Variants in BCL2L12 observed in about 807,000 individuals in gnomAD.
BCL2L12 encodes bcl-2-like protein 12.
BCL2L12 carries 27 observed loss-of-function variants against 25.7 expected under a neutral mutation model. The observed-to-expected ratio is 1.05, with a 90% CI of 0.78 to 1.45. BCL2L12 has a LOEUF of 1.45. BCL2L12 is among the 40% of genes most tolerant of loss of function. The probability of loss-of-function intolerance (pLI) is 0.00; values close to 1 mark genes in which losing one functional copy is unlikely to be tolerated. For missense variants in BCL2L12, 302 were observed against 329.8 expected (o/e 0.92, Z 0.65); for synonymous variants, 132 against 145.6 (o/e 0.91, Z 0.67).
chr19:49,666,130 G>T lies in BCL2L12; in HGVS notation c.-9+63G>T, dbSNP rs2081742678. The T allele has an allele frequency of 1.0e-5, 15 of 1,504,976 alleles. No individual in the cohort carries two copies. The South Asian group carries it at 1.3e-4, about 13-fold the overall frequency. 93.2% of individuals were successfully genotyped at this position (1,504,976 alleles called of 1,614,324 possible). On this transcript the variant is annotated intron_variant, in intron 1 of 6. Transcript: ENST00000246784. The stretch of plus-strand genomic sequence containing the variant: ...AAGAGGAGGGGGCCGGGATCCAGTG[G>T]TGGGCACCCCAGTCCCGCTTCTCTG...
chr19:49,668,155 G>T (rs551970297), intron 3 of BCL2L12, among the ~76,000 whole-genome samples: 109 of 150,376 alleles, frequency 7.2e-4, no homozygotes, highest in Non-Finnish European at 1.2e-3. Context: ...GAGTGCAATG[G>T]CCCGATCTCG....
Position 49,665,993 on chromosome 19 carries a change from T to G in BCL2L12, c.-83T>G. On this transcript the variant is annotated 5_prime_UTR_variant, in exon 1 of 7. Coordinates refer to ENST00000246784, the MANE Select transcript of BCL2L12 (RefSeq NM_138639.2). ...GTGCGCAGGCGCGGGAAAGTTGAAC[T>G]AATAAAGTTTGTACGAGTTCAGTGG... 6.2e-7 allele frequency: 1 copy of G among 1,605,794 alleles called. No homozygotes were observed. Among genetic ancestry groups the G allele is most frequent in the Non-Finnish European group, 8.5e-7 (1 of 1,175,612 alleles).
At position 49,666,011 on chromosome 19, in the gene BCL2L12, T is replaced by C; in HGVS notation, c.-65T>C. The C allele has an allele frequency of 6.3e-7, 1 of 1,590,186 alleles. No homozygotes were observed. Among genetic ancestry groups the C allele is most frequent in the Non-Finnish European group, 8.6e-7 (1 of 1,166,896 alleles). ...GTTGAACTAATAAAGTTTGTACGAG[T>C]TCAGTGGAGGAGACCGCAAGTTGAG... On this transcript the variant is annotated 5_prime_UTR_variant, in exon 1 of 7. Coordinates refer to ENST00000246784, the MANE Select transcript of BCL2L12 (RefSeq NM_138639.2).
At chr19:49,668,972 G>A in intron 4 of BCL2L12, 35 bp downstream of exon 4, 1 of 1,613,968 alleles carries the variant, frequency 6.2e-7, no homozygotes, top group Non-Finnish European at 8.5e-7. Flanking sequence ...AAGGATGGCG[G>A]TGGGAGGATA....
Position 49,668,786 on chromosome 19 carries a change from G to A in BCL2L12, c.251-65G>A, listed in dbSNP as rs189623186. Reference sequence around the variant, plus strand: ...CATTGCCACCTGCCAAGGTAGTTGGGGGAAGGAGAGAATCCGTAAGTTTCC... The same window carrying A: ...CATTGCCACCTGCCAAGGTAGTTGGAGGAAGGAGAGAATCCGTAAGTTTCC... On this transcript the variant is annotated intron_variant, in intron 3 of 6. Coordinates refer to ENST00000246784, the MANE Select transcript of BCL2L12 (RefSeq NM_138639.2). 6.8e-6 allele frequency: 10 copies of A among 1,461,376 alleles called. No homozygotes were observed. The East Asian group carries it at 2.1e-4, about 30-fold the overall frequency. The allele number at this position is 1,461,376 out of a possible 1,614,324, so 90.5% of individuals were successfully genotyped here. A position where few individuals can be genotyped will look rare whatever the true frequency, so the allele number is the denominator to read the frequency against.
Position 49,673,749 on chromosome 19 carries a change from G to C in BCL2L12, c.*1G>C, listed in dbSNP as rs1555766574. 3.1e-6 allele frequency: 5 copies of C among 1,614,146 alleles called. No individual in the cohort carries two copies. In the South Asian group the frequency reaches 5.5e-5, roughly 18 times the overall value. The stretch of plus-strand genomic sequence containing the variant: ...GGACTTGAACTTGCCATTGGACTGA[G>C]CTCTTTCTCAGAAGCTGCTACAAGA... On this transcript the variant is annotated 3_prime_UTR_variant, in exon 7 of 7. Coordinates refer to ENST00000246784, the MANE Select transcript of BCL2L12 (RefSeq NM_138639.2).
rs2081962568 is a variant in BCL2L12, at chr19:49,671,553, A to C, written c.702+1065A>C. On this transcript the variant is annotated intron_variant, in intron 6 of 6. Coordinates refer to ENST00000246784, the MANE Select transcript of BCL2L12 (RefSeq NM_138639.2). ...AGGAGGCAGAGGAGCCGGGAGGATC[A>C]CTTGAGCCCAGGAGTTCAAGGCTGT... 3.3e-5 allele frequency among the ~76,000 whole-genome samples: 5 copies of C among 152,162 alleles called. No homozygotes were observed. The South Asian group carries it at 1.0e-3, about 32-fold the overall frequency.
Position 49,669,112 on chromosome 19 carries a change from G to A in BCL2L12, c.426G>A (p.Gln142=). The A allele has an allele frequency of 6.2e-7, 1 of 1,613,830 alleles. No individual in the cohort carries two copies. Among genetic ancestry groups the A allele is most frequent in the Non-Finnish European group, 8.5e-7 (1 of 1,179,908 alleles). Residue 142 remains glutamine (Q), a synonymous_variant, in exon 5 of 7, where the codon CAG becomes CAA. Coordinates refer to ENST00000246784, the MANE Select transcript of BCL2L12 (RefSeq NM_138639.2). ...LLEEEAEVIN[Q]KLASDPALRS... is the part of the protein sequence containing the mutation. ...AGGAGGAGGCAGAAGTCATTAACCA[G>A]AAGGTGATGGGCATCTGTCCCACTC...
intron 1 of BCL2L12, 32 bp downstream of exon 1, chr19:49,666,099 G>T: frequency 6.5e-7 from 1 of 1,526,978 alleles, no homozygotes; most frequent in Non-Finnish European, 8.8e-7. Context: ...GGTGGGGTGA[G>T]GAGGGAAGAG....
chr19:49,669,227 TG>T, intron 5 of BCL2L12, 112 bp downstream of exon 5: 1 of 1,503,336 alleles, frequency 6.7e-7, no homozygotes, highest in Admixed American at 2.1e-5. Context: ...GGAAAGAGGC[TG>T]GGACAAGGTT....
intron 4 of BCL2L12, 43 bp downstream of exon 4, chr19:49,668,980 A>G (rs1162673379): frequency 6.2e-7 from 1 of 1,613,824 alleles, no homozygotes; most frequent in Non-Finnish European, 8.5e-7. Context: ...CGGTGGGAGG[A>G]TAGTCAGGGT....
chr19:49,670,248 G>A lies in BCL2L12; in HGVS notation c.462G>A (p.Leu154=). ...CGGACCCCGCCCTGCGCAGCAAGCT[G>A]GTCCGCCTGTCCTCCGACTCTTTCG... ...LASDPALRSK[L]VRLSSDSFAR... The change falls in exon 6 of 7, where the codon CTG becomes CTA. Residue 154 remains leucine (L), a synonymous_variant. Coordinates refer to ENST00000246784, the MANE Select transcript of BCL2L12 (RefSeq NM_138639.2). The A allele has an allele frequency of 6.2e-7, 1 of 1,609,276 alleles. No homozygotes were observed. The highest frequency in any genetic ancestry group is 8.5e-7 in the Non-Finnish European group (1 of 1,179,626).
Position 49,669,038 on chromosome 19 carries a change from C to T in BCL2L12, c.352C>T (p.Pro118Ser), listed in dbSNP as rs763991959. Residue 118 changes from proline (P) to serine (S), a missense_variant, in exon 5 of 7, where the codon CCA becomes TCA. By Grantham distance (74) the Pro-to-Ser change is moderately conservative. Transcript: ENST00000246784. ...TCTGCCTCCAGAATTACAGGGTCCC[C>T]CATCGACAGAGAAGGAAGCCATACT... is the stretch of plus-strand genomic sequence containing the variant. The part of the protein sequence containing the change: ...SPPSPELQGP[P>S]STEKEAILRR... The T allele has an allele frequency of 3.7e-6, 6 of 1,613,930 alleles. No individual in the cohort carries two copies. In the African/African-American group the frequency reaches 8.0e-5, roughly 22 times the overall value.
intron 3 of BCL2L12, 94 bp from the exon 4 acceptor site, chr19:49,668,757 G>T (rs746170987): frequency 8.4e-7 from 1 of 1,184,296 alleles, no homozygotes; most frequent in Admixed American, 2.2e-5. Context: ...AATAAAATGG[G>T]AATCATTGCC....
At chr19:49,666,292 C>A (rs977527600) in intron 1 of BCL2L12, among the ~76,000 whole-genome samples, 2 of 152,210 alleles carry the variant, frequency 1.3e-5, no homozygotes, top group African/African-American at 4.8e-5. Context: ...TTGGTAGTTC[C>A]CGATGCTTTA....
chr19:49,673,096 C>T (rs1028265166), intron 6 of BCL2L12, among the ~76,000 whole-genome samples: 2 of 152,122 alleles, frequency 1.3e-5, no homozygotes, highest in Admixed American at 6.6e-5. Context: ...GAACTCTTGG[C>T]CTCAAGTGAT....
At chr19:49,666,636 A>G (rs1265513774) in intron 1 of BCL2L12, 49 bp from the exon 2 acceptor site, 1 of 1,426,642 alleles carries the variant, frequency 7.0e-7, no homozygotes, top group African/African-American at 1.4e-5. Flanking sequence ...CCAAGCCTCC[A>G]CTTCTTGCTA....
rs1464928951 is a variant in BCL2L12 at position 49,669,060 on chromosome 19, T to C, written c.374T>C (p.Ile125Thr). 1 of 1,614,132 alleles carries C rather than the reference T, an allele frequency of 6.2e-7. No individual in the cohort carries two copies. The highest frequency in any genetic ancestry group is 8.5e-7 in the Non-Finnish European group (1 of 1,180,008). Residue 125 changes from isoleucine (I) to threonine (T), a missense_variant, in exon 5 of 7, where the codon ATA (isoleucine) becomes ACA (threonine). By Grantham distance (89) the Ile-to-Thr change is moderately conservative. Transcript: ENST00000246784. ...QGPPSTEKEAILRRLVALLEE... is the reference protein window; with the variant it reads ...QGPPSTEKEATLRRLVALLEE... ...CCCCCATCGACAGAGAAGGAAGCCA[T>C]ACTGCGGAGGCTGGTGGCCCTGCTG... is the stretch of plus-strand genomic sequence containing the variant.
At chr19:49,670,704 G>C (rs1459321766) in intron 6 of BCL2L12, among the ~76,000 whole-genome samples, 2 of 152,208 alleles carry the variant, frequency 1.3e-5, no homozygotes, top group African/African-American at 2.4e-5. Flanking sequence ...TACTGTGAGC[G>C]TGAAACCAGT....
Sources: gnomAD v4.1 joint callset for allele counts (sites outside exome capture counted in the v4.1 genomes callset) on GRCh38, gnomAD v4.1.1 for gene constraint, MANE v1.5 for transcripts, NCBI Gene and HGNC (gene_info 2026-07-23, HGNC 2026-07-21) for gene names.